EBF4: variants seen among roughly 807,000 people sequenced by gnomAD.
EBF4 encodes EBF transcription factor 4, also known as transcription factor COE4.
In EBF4, 34 loss-of-function variants were observed where a neutral mutation model predicts 67.1. The ratio of observed to expected loss-of-function variants is 0.51; its 90% CI spans 0.39 to 0.67. The LOEUF is 0.67. EBF4 is among the 30% of genes least tolerant of loss of function. The pLI, the probability that EBF4 is intolerant of heterozygous loss-of-function variation, is 0.00. For synonymous variants in EBF4, 387 were observed against 377.7 expected (o/e 1.02, Z -0.29); for missense variants, 837 against 873.3 (o/e 0.96, Z 0.52).
chr20:2,752,198 G>T, exon 13 of EBF4: 1 of 1,422,658 alleles, frequency 7.0e-7, no homozygotes, highest in Non-Finnish European at 9.2e-7. Context: ...GCCGTCGTGG[G>T]CATCAACGCC....
chr20:2,710,401 C>T (rs1303213466), intron 6 of EBF4, among the ~76,000 whole-genome samples: 1 of 152,076 alleles, frequency 6.6e-6, no homozygotes, highest in Non-Finnish European at 1.5e-5. Flanking sequence ...CCACCCACCT[C>T]GACCTTCCAA....
At chr20:2,733,689 A>G (rs2087843493) in intron 6 of EBF4, among the ~76,000 whole-genome samples, 2 of 151,936 alleles carry the variant, frequency 1.3e-5, no homozygotes, top group South Asian at 4.1e-4. Context: ...GTCCCACCAA[A>G]TGAGATATGT....
intron 6 of EBF4, among the ~76,000 whole-genome samples, chr20:2,719,624 C>G (rs575295622): frequency 6.6e-6 from 1 of 152,222 alleles, no homozygotes; most frequent in African/African-American, 2.4e-5. Context: ...ATGCTGGTCT[C>G]GAACTACAGG....
At chr20:2,732,134 C>G (rs1246277693) in intron 6 of EBF4, among the ~76,000 whole-genome samples, 1 of 151,452 alleles carries the variant, frequency 6.6e-6, no homozygotes, top group Non-Finnish European at 1.5e-5. Flanking sequence ...CAGGGTCTCA[C>G]TCCAGTTGAC....
At position 2,693,970 on chromosome 20, in the gene EBF4, G is replaced by A. The variant is rs1345415679; in HGVS notation, c.137+188G>A. Among the ~76,000 whole-genome samples the A allele has an allele frequency of 6.6e-6, 1 of 152,228 alleles. No homozygotes were observed. Among genetic ancestry groups the A allele is most frequent in the African/African-American group, 2.4e-5 (1 of 41,464 alleles). ...CTGAGGCTGTGGGGCGGGCTGGGGC[G>A]GGGCTTCTGCCTCCACTCCGGGCTG... is the stretch of plus-strand genomic sequence containing the variant. On this transcript the variant is annotated intron_variant, in intron 1 of 16. Coordinates refer to ENST00000609451, the Ensembl canonical transcript of EBF4. The surrounding 1 kb of genome is among the most constrained non-coding windows in gnomAD (Gnocchi z 4.6).
intron 1 of EBF4, among the ~76,000 whole-genome samples, chr20:2,695,666 C>T (rs1236496237): frequency 2.0e-5 from 3 of 152,212 alleles, no homozygotes. Flanking sequence ...CACTCTTCCC[C>T]GTGTTGTCTG....
chr20:2,715,626 A>C (rs2087598207), intron 6 of EBF4, among the ~76,000 whole-genome samples: 1 of 152,258 alleles, frequency 6.6e-6, no homozygotes, highest in Admixed American at 6.5e-5. Context: ...CCAACACTTA[A>C]TAATGTCACA....
intron 1 of EBF4, among the ~76,000 whole-genome samples, chr20:2,701,922 C>T (rs1178422526): frequency 3.3e-5 from 5 of 152,166 alleles, no homozygotes; most frequent in African/African-American, 1.2e-4. Context: ...GCCTCATTAG[C>T]ATATTCATCA....
In EBF4 at chr20:2,714,605, G is replaced by A. The variant is rs554629329; in HGVS notation, c.557+4963G>A. On this transcript the variant is annotated intron_variant, in intron 6 of 16. Transcript: ENST00000609451. ...GGGCTCCAGGAATTCTTCTGCCTTGGCCTCCCAAAGTGCTGGGATTACAGG... is the reference window on the plus strand; with the variant it reads ...GGGCTCCAGGAATTCTTCTGCCTTGACCTCCCAAAGTGCTGGGATTACAGG... Among the ~76,000 whole-genome samples, 3 of 152,294 alleles carry A rather than the reference G, an allele frequency of 2.0e-5. No individual in the cohort carries two copies. In the South Asian group the frequency reaches 6.2e-4, roughly 32 times the overall value.
intron 1 of EBF4, among the ~76,000 whole-genome samples, chr20:2,695,197 C>T (rs536477124): frequency 1.3e-5 from 2 of 151,716 alleles, no homozygotes; most frequent in East Asian, 1.9e-4. Flanking sequence ...TGCTGTGTGG[C>T]GAGAGCTCTT....
Position 2,705,694 on chromosome 20 carries a change from G to A in EBF4, c.255G>A (p.Val85=). The stretch of plus-strand genomic sequence containing the variant: ...ACCGGCAGGGGCAGCCCGTGGAGGT[G>A]GAGCGCACAGCCTTCATCGACTTCG... Residue 85 remains valine, a synonymous_variant, in exon 2 of 17, where the codon GTG becomes GTA. Coordinates refer to ENST00000609451, the Ensembl canonical transcript of EBF4. 1.9e-6 allele frequency: 3 copies of A among 1,551,594 alleles called. No individual in the cohort carries two copies. The South Asian group carries it at 3.6e-5, about 18-fold the overall frequency.
intron 6 of EBF4, among the ~76,000 whole-genome samples, chr20:2,740,159 A>C (rs2087946688): frequency 6.6e-6 from 1 of 152,188 alleles, no homozygotes; most frequent in Middle Eastern, 3.2e-3. Flanking sequence ...CTAAAAATAC[A>C]AAAATTAGCT....
chr20:2,698,909 C>G (rs748548705), intron 1 of EBF4, among the ~76,000 whole-genome samples: 9 of 151,968 alleles, frequency 5.9e-5, no homozygotes, highest in Non-Finnish European at 1.2e-4. Context: ...GAGAGGAGGC[C>G]GAGGCTCCAG....
intron 6 of EBF4, among the ~76,000 whole-genome samples, chr20:2,742,402 G>GTTGT (rs779122371): frequency 7.9e-5 from 12 of 152,026 alleles, no homozygotes; most frequent in South Asian, 6.2e-4. Flanking sequence ...TTCTTTTTTT[G>GTTGT]TTGTTTGTTT....
chr20:2,755,792 C>G lies in EBF4; in HGVS notation c.1706C>G (p.Ala569Gly). The change falls in exon 15 of 17, where the codon GCC becomes GGC. Residue 569 changes from alanine (A) to glycine (G), a missense_variant. By Grantham distance (60) the Ala-to-Gly change is moderately conservative (BLOSUM62 0). Transcript: ENST00000609451. This position sits in a 1 kb window ranked among gnomAD's most constrained non-coding sequence, Gnocchi z 4.7. ...CGCCCCCCAAGCTCCCCACCCCAGG[C>G]CTGCCCCAGAGCCCACGGAGAGGGG... is the stretch of plus-strand genomic sequence containing the variant. The G allele has an allele frequency of 6.5e-7, 1 of 1,549,436 alleles. No individual in the cohort carries two copies. Among genetic ancestry groups the G allele is most frequent in the Non-Finnish European group, 8.7e-7 (1 of 1,146,928 alleles).
intron 6 of EBF4, among the ~76,000 whole-genome samples, chr20:2,742,060 C>T (rs1170011308): frequency 6.6e-6 from 1 of 152,224 alleles, no homozygotes; most frequent in Non-Finnish European, 1.5e-5. Flanking sequence ...CAGCCTGCCT[C>T]TCAGAGCTGC....
At chr20:2,711,955 G>A (rs796847544) in intron 6 of EBF4, among the ~76,000 whole-genome samples, 5 of 152,278 alleles carry the variant, frequency 3.3e-5, no homozygotes, top group African/African-American at 1.2e-4. Context: ...TTATGTATCT[G>A]GGGGAAGAAT....
intron 6 of EBF4, among the ~76,000 whole-genome samples, chr20:2,735,849 C>T (rs13433122): frequency 0.048 from 7,316 of 152,074 alleles, 592 homozygotes; most frequent in African/African-American, 0.17. Context: ...GAAAAAAATT[C>T]GTGTACTTGA....
chr20:2,742,523 CCT>C (rs2087983060), intron 6 of EBF4, among the ~76,000 whole-genome samples: 1 of 152,158 alleles, frequency 6.6e-6, no homozygotes, highest in South Asian at 2.1e-4. Flanking sequence ...TGCGACTTGG[CCT>C]TTCCCTTACT....
Sources: gnomAD v4.1 joint callset for allele counts (sites outside exome capture counted in the v4.1 genomes callset) on GRCh38, gnomAD v4.1.1 for gene constraint, Gnocchi (gnomAD v3.1) non-coding constraint, MANE v1.5 for transcripts, NCBI Gene and HGNC (gene_info 2026-07-23, HGNC 2026-07-21) for gene names.